Variants in HIP1 observed in about 807,000 individuals in gnomAD.
HIP1 encodes the protein huntingtin interacting protein 1, also known as huntingtin-interacting protein 1.
In HIP1, 65 loss-of-function variants were observed where a neutral mutation model predicts 147.6. The observed-to-expected ratio is 0.44, with a 90% CI of 0.36 to 0.54. The LOEUF is 0.54. Among genes scored for constraint, HIP1 ranks in the 20% least tolerant of loss-of-function variants. The pLI, the probability that HIP1 is intolerant of heterozygous loss-of-function variation, is 0.00. For missense variants in HIP1, 1,061 were observed against 1,299.6 expected (o/e 0.82, Z 2.82); for synonymous variants, 479 against 504.0 (o/e 0.95, Z 0.67).
At chr7:75,563,488 C>T (rs781999718) in intron 9 of HIP1, 19 of 552,744 alleles carry the variant, frequency 3.4e-5, no homozygotes, top group Middle Eastern at 4.8e-4. Flanking sequence ...TGCTACAAAT[C>T]CTTTGGAAGA....
rs1222271832 is a variant in HIP1, at chr7:75,664,098, GCA to G, written c.121-64853_121-64852del. Among the ~76,000 whole-genome samples, 4 of 37,224 alleles carry G rather than the reference GCA, an allele frequency of 1.1e-4. 1 individual carries two copies. The highest frequency in any genetic ancestry group is 4.2e-4 in the African/African-American group (3 of 7,064). 24.4% of individuals were successfully genotyped at this position (37,224 alleles called of 152,430 possible). ...TACACACACATATACACACATATGT[GCA>G]TACATACATGTATGCATATATGCAC... On this transcript the variant is annotated intron_variant, in intron 1 of 30. Coordinates refer to ENST00000336926, the MANE Select transcript of HIP1 (RefSeq NM_005338.7).
At chr7:75,583,375 G>A (rs782198811) in intron 5 of HIP1, among the ~76,000 whole-genome samples, 9 of 152,084 alleles carry the variant, frequency 5.9e-5, no homozygotes, top group African/African-American at 7.2e-5. Context: ...ATGCATTCAC[G>A]CTCTCTGTCC....
chr7:75,544,548 GTCTAACCTAGCCAAGTGCCA>G, intron 27 of HIP1, 127 bp downstream of exon 27: 1 of 673,884 alleles, frequency 1.5e-6, no homozygotes, highest in Non-Finnish European at 2.7e-6. Flanking sequence ...GCCAAGTACA[GTCTAACCTAGCCAAGTGCCA>G]TCTAACCTGG....
rs1244375455 is a variant in HIP1, at chr7:75,575,167, TAAAAC to T, written c.605-1271_605-1267del. Among the ~76,000 whole-genome samples the T allele has an allele frequency of 2.4e-5, 3 of 123,972 alleles. No homozygotes were observed. In the South Asian group the frequency reaches 7.6e-4, roughly 31 times the overall value. The allele number at this position is 123,972 out of a possible 152,430, so 81.3% of individuals were successfully genotyped here. Reference sequence around the variant, plus strand: ...AGTGAGACTCTGTTTCATAAATAAATAAAACAAAACAAGCCAGGCACAGTGGCTCA... The same window carrying T: ...AGTGAGACTCTGTTTCATAAATAAATAAAACAAGCCAGGCACAGTGGCTCA... On this transcript the variant is annotated intron_variant, in intron 7 of 30. Coordinates refer to ENST00000336926, the MANE Select transcript of HIP1 (RefSeq NM_005338.7).
At position 75,592,057 on chromosome 7, in the gene HIP1, C is replaced by T; in HGVS notation, c.383G>A (p.Trp128Ter). 1 of 1,613,834 alleles carries T rather than the reference C, an allele frequency of 6.2e-7. No individual in the cohort carries two copies. The highest frequency in any genetic ancestry group is 8.5e-7 in the Non-Finnish European group (1 of 1,179,676). Reference protein sequence around the residue: ...RNELSDMSRMWGHLSEGYGQL... With the variant: ...RNELSDMSRM ...TCCTGAGTACATCTCCAAACTCACCCACATCCTGCTCATGTCACTCAATTC... is the reference window on the plus strand; with the variant it reads ...TCCTGAGTACATCTCCAAACTCACCTACATCCTGCTCATGTCACTCAATTC... Residue 128 changes from tryptophan (W) to a stop codon, truncating the protein, a stop_gained and splice_region_variant, in exon 4 of 31, where the codon TGG (tryptophan) becomes TAG (stop). Transcript: ENST00000336926. LOFTEE classifies it high-confidence loss of function.
intron 1 of HIP1, among the ~76,000 whole-genome samples, chr7:75,724,393 A>G (rs534017644): frequency 6.6e-6 from 1 of 151,568 alleles, no homozygotes; most frequent in East Asian, 1.9e-4. Context: ...AATTACAGGC[A>G]CCCGGCACCA....
chr7:75,603,927 C>G (rs1360876152), intron 1 of HIP1, among the ~76,000 whole-genome samples: 1 of 152,026 alleles, frequency 6.6e-6, no homozygotes, highest in Non-Finnish European at 1.5e-5. Context: ...GTTCATTCCC[C>G]TAAACCTCTC....
chr7:75,729,967 C>T (rs917247673), intron 1 of HIP1, among the ~76,000 whole-genome samples: 1 of 152,092 alleles, frequency 6.6e-6, no homozygotes, highest in Non-Finnish European at 1.5e-5. Flanking sequence ...AGGCACTCAA[C>T]AGAATGCGGC....
At chr7:75,595,248 C>CTTTCTTTCTTTCTT (rs1218437516) in intron 2 of HIP1, among the ~76,000 whole-genome samples, 50 of 98,792 alleles carry the variant, frequency 5.1e-4, no homozygotes, top group African/African-American at 2.0e-3. Context: ...TTCTTTCTTT[C>CTTTCTTTCTTTCTT]TTTCTTCCTT....
intron 1 of HIP1, among the ~76,000 whole-genome samples, chr7:75,712,534 A>T (rs1554520206): frequency 3.3e-5 from 5 of 151,848 alleles, no homozygotes; most frequent in Non-Finnish European, 7.4e-5. Context: ...ACGAGGGGCA[A>T]CTCTTTGGGC....
intron 30 of HIP1, among the ~76,000 whole-genome samples, chr7:75,538,719 C>T (rs1236037049): frequency 1.3e-5 from 2 of 152,098 alleles, no homozygotes; most frequent in East Asian, 1.9e-4. Flanking sequence ...GGACTACAGG[C>T]GCCCACCACC....
At chr7:75,556,646 A>T in intron 17 of HIP1, 64 bp downstream of exon 17, 1 of 1,046,576 alleles carries the variant, frequency 9.6e-7, no homozygotes, top group Non-Finnish European at 1.5e-6. Context: ...CGATCGCACC[A>T]CTGCATTCCA....
chr7:75,637,977 A>ACAAC (rs1798484313), intron 1 of HIP1, among the ~76,000 whole-genome samples: 1 of 38,636 alleles, frequency 2.6e-5, no homozygotes, highest in African/African-American at 9.2e-5. Context: ...GCAGACCCAG[A>ACAAC]CCCCCCCCCC....
rs1179618 is a variant in HIP1 at position 75,620,578 on chromosome 7, C to G, written c.121-21331G>C. On this transcript the variant is annotated intron_variant, in intron 1 of 30. Coordinates refer to ENST00000336926, the MANE Select transcript of HIP1 (RefSeq NM_005338.7). ...GTGCATGCCTGTAGTCCCAGCTACT[C>G]GGGAAGCTGAGGAACAAGAATTGCT... 2.9e-3 allele frequency among the ~76,000 whole-genome samples: 440 copies of G among 151,786 alleles called. 4 individuals are homozygous for G. Among genetic ancestry groups the G allele is most frequent in the Non-Finnish European group, 4.8e-3 (328 of 67,964 alleles).
At position 75,573,810 on chromosome 7, in the gene HIP1, G is replaced by A; in HGVS notation, c.696C>T (p.Cys232=). 1 of 1,614,148 alleles carries A rather than the reference G, an allele frequency of 6.2e-7. No homozygotes were observed. The highest frequency in any genetic ancestry group is 8.5e-7 in the Non-Finnish European group (1 of 1,180,004). ...LAPLIQVILD[C]SHLYDYTVKL... ...TGACAGTGTAGTCATAAAGGTGGCT[G>A]CAGTCCAAGATGACCTGGATCAGCG... is the stretch of plus-strand genomic sequence containing the variant. Residue 232 remains cysteine, a synonymous_variant, in exon 8 of 31, where the codon TGC becomes TGT. Coordinates refer to ENST00000336926, the MANE Select transcript of HIP1 (RefSeq NM_005338.7).
At chr7:75,587,624 A>G (rs1355991308) in intron 4 of HIP1, among the ~76,000 whole-genome samples, 2 of 152,228 alleles carry the variant, frequency 1.3e-5, no homozygotes. Context: ...TTGTACAAAC[A>G]TAAGGACTGC....
At position 75,537,928 on chromosome 7, in the gene HIP1, G is replaced by A; in HGVS notation, c.*244C>T. 1 of 553,420 alleles carries A rather than the reference G, an allele frequency of 1.8e-6. No individual in the cohort carries two copies. The highest frequency in any genetic ancestry group is 3.3e-6 in the Non-Finnish European group (1 of 303,126). The allele number at this position is 553,420 out of a possible 1,614,324, so 34.3% of individuals were successfully genotyped here. On this transcript the variant is annotated 3_prime_UTR_variant, in exon 31 of 31. Coordinates refer to ENST00000336926, the MANE Select transcript of HIP1 (RefSeq NM_005338.7). The stretch of plus-strand genomic sequence containing the variant: ...TCGTACCTAGGCTTGCTCATGGGCA[G>A]CACTGGCCAGCCTGGATGCTAACTA...
chr7:75,622,875 A>G (rs1797895799), intron 1 of HIP1, among the ~76,000 whole-genome samples: 1 of 145,802 alleles, frequency 6.9e-6, no homozygotes, highest in South Asian at 2.2e-4. Context: ...CTATCTATCT[A>G]TCTATCTATC....
intron 16 of HIP1, among the ~76,000 whole-genome samples, chr7:75,557,350 AC>A (rs75626925): frequency 1.7e-4 from 25 of 150,298 alleles, no homozygotes; most frequent in South Asian, 6.3e-4. Flanking sequence ...AAACAAACAA[AC>A]AAAAAAAAAC....
Sources: gnomAD v4.1 joint callset for allele counts (sites outside exome capture counted in the v4.1 genomes callset) on GRCh38, gnomAD v4.1.1 for gene constraint, MANE v1.5 for transcripts, NCBI Gene and HGNC (gene_info 2026-07-23, HGNC 2026-07-21) for gene names.